The following PPP1R3F variants were observed in gnomAD, a reference collection of about 807,000 sequenced individuals.
The protein encoded by PPP1R3F is protein phosphatase 1 regulatory subunit 3F.
A neutral mutation model predicts 24.2 loss-of-function variants in PPP1R3F; 29 were observed. The observed-to-expected ratio is 1.20, with a 90% CI of 0.89 to 1.63. The LOEUF (loss-of-function observed/expected upper bound fraction) is 1.63, where lower values mean the gene tolerates loss of function less well. PPP1R3F is among the 40% of genes most tolerant of loss of function. The probability of loss-of-function intolerance (pLI) is 0.00; values close to 1 mark genes in which losing one functional copy is unlikely to be tolerated. For missense variants in PPP1R3F, 823 were observed against 729.3 expected, an observed-to-expected ratio of 1.13 and a Z score of -1.48; for synonymous variants, 363 against 340.1, an observed-to-expected ratio of 1.07 and a Z score of -0.74.
rs1439793735 is a variant in PPP1R3F at position 49,270,339 on chromosome X, C to T, written c.470C>T (p.Pro157Leu). ...AVPGGAGVWV[P>L]GGRPPVLRGL... ...CCCGGGGGTGCCGGGGTGTGGGTGC[C>T]TGGGGGCCGCCCGCCGGTGCTGCGC... Residue 157 changes from proline to leucine, a missense_variant, in exon 1 of 4, where the codon CCT becomes CTT. Pro to Leu is a moderately conservative substitution (Grantham distance 98). Coordinates refer to ENST00000055335, the MANE Select transcript of PPP1R3F (RefSeq NM_033215.5). The T allele has an allele frequency of 1.2e-5, 14 of 1,137,843 alleles. No individual in the cohort carries two copies. The highest frequency in any genetic ancestry group is 1.8e-5 in the African/African-American group (1 of 54,568). 93.8% of individuals were successfully genotyped at this position (1,137,843 alleles called of 1,213,427 possible).
At chrX:49,284,509 C>CTTT (rs145170789) in intron 3 of PPP1R3F, among the ~76,000 whole-genome samples, 65 of 50,762 alleles carry the variant, frequency 1.3e-3, no homozygotes, top group Non-Finnish European at 1.7e-3. Context: ...CTTTTTCTTT[C>CTTT]TTTTTTTTTT....
Position 49,296,611 on chromosome X carries a change from G to A in PPP1R3F, c.393-4740G>A, listed in dbSNP as rs187989178. Among the ~76,000 whole-genome samples the A allele has an allele frequency of 3.4e-3, 379 of 111,570 alleles. 1 individual carries two copies. The highest frequency in any genetic ancestry group is 5.9e-3 in the Admixed American group (62 of 10,516). On this transcript the variant is annotated intron_variant, in intron 3 of 3. Coordinates refer to the PPP1R3F transcript ENST00000471261. ...CCTAGTTCTTTTAATTGTGATATTA[G>A]GGTGTCGATTTTAGATCTTTCCCGC...
At chrX:49,288,400 A>G (rs979252190), downstream of PPP1R3F, among the ~76,000 whole-genome samples, 3 of 112,381 alleles carry the variant, frequency 2.7e-5, no homozygotes, top group Non-Finnish European at 5.6e-5. Flanking sequence ...CTCACTGGCC[A>G]CTGTGCAAAG....
intron 3 of PPP1R3F, among the ~76,000 whole-genome samples, chrX:49,299,043 C>T (rs1423073428): frequency 1.4e-4 from 16 of 110,870 alleles, no homozygotes; most frequent in African/African-American, 5.2e-4. Flanking sequence ...AGTTTTATTT[C>T]CTTGCTGGCA....
intron 3 of PPP1R3F, among the ~76,000 whole-genome samples, chrX:49,293,348 G>T (rs1487964779): frequency 8.9e-6 from 1 of 112,409 alleles, no homozygotes; most frequent in Non-Finnish European, 1.9e-5. Flanking sequence ...GGTAGTGTTC[G>T]ATTTGCTTTT....
rs781956226 is a variant in PPP1R3F, at chrX:49,287,065, G to T, written c.2375G>T (p.Cys792Phe). ...SGVSLLVLAL[C>F]LSLAWFS Reference sequence around the variant, plus strand: ...GTGTCCCTCCTGGTGCTTGCGCTGTGCCTCTCTCTGGCTTGGTTCTCATAG... The same window carrying T: ...GTGTCCCTCCTGGTGCTTGCGCTGTTCCTCTCTCTGGCTTGGTTCTCATAG... The change falls in exon 4 of 4, where the codon TGC (cysteine) becomes TTC (phenylalanine). Residue 792 changes from cysteine (C) to phenylalanine (F), a missense_variant. Coordinates refer to ENST00000055335, the MANE Select transcript of PPP1R3F (RefSeq NM_033215.5). The T allele has an allele frequency of 2.5e-6, 3 of 1,209,936 alleles. No individual in the cohort carries two copies. The highest frequency in any genetic ancestry group is 1.7e-5 in the African/African-American group (1 of 57,563).
chrX:49,270,799 A>G lies in PPP1R3F; in HGVS notation c.930A>G (p.Pro310=). ...PQQQQLPQLE[P]QPECQGPVEA... The stretch of plus-strand genomic sequence containing the variant: ...AGCAGCAGCTGCCGCAGCTGGAGCC[A>G]CAGCCCGAGTGCCAGGGTCCCGTGG... Residue 310 remains proline, a synonymous_variant, in exon 1 of 4, where the codon CCA becomes CCG. Coordinates refer to ENST00000055335, the MANE Select transcript of PPP1R3F (RefSeq NM_033215.5). 1 of 1,192,700 alleles carries G rather than the reference A, an allele frequency of 8.4e-7. No homozygotes were observed. The highest frequency in any genetic ancestry group is 2.3e-4 in the Middle Eastern group (1 of 4,339).
At chrX:49,293,930 G>A (rs1449362924) in intron 3 of PPP1R3F, among the ~76,000 whole-genome samples, 29 of 111,533 alleles carry the variant, frequency 2.6e-4, no homozygotes, top group African/African-American at 9.1e-4. Flanking sequence ...GGAGGCAGAG[G>A]TTGCAGTGAG....
rs1212585534 is a variant in PPP1R3F at position 49,279,933 on chromosome X, G to A, written c.1005-1473G>A. ...CTTATGCCACTCAGGGATCTGACTG[G>A]CCTGGTGAAGGAGGAGCAAGACCCA... is the stretch of plus-strand genomic sequence containing the variant. On this transcript the variant is annotated intron_variant, in intron 1 of 3. Coordinates refer to ENST00000055335, the MANE Select transcript of PPP1R3F (RefSeq NM_033215.5). Among the ~76,000 whole-genome samples the A allele has an allele frequency of 5.3e-5, 6 of 112,419 alleles. No individual in the cohort carries two copies. In the Admixed American group the frequency reaches 5.6e-4, roughly 11 times the overall value.
Position 49,270,712 on chromosome X carries a change from C to T in PPP1R3F, c.843C>T (p.Tyr281=), listed in dbSNP as rs148529556. The T allele has an allele frequency of 2.5e-4, 296 of 1,206,896 alleles. No homozygotes were observed. The highest frequency in any genetic ancestry group is 6.3e-4 in the Admixed American group (29 of 45,723). The change falls in exon 1 of 4, where the codon TAC becomes TAT. Residue 281 remains tyrosine, a synonymous_variant. Coordinates refer to ENST00000055335, the MANE Select transcript of PPP1R3F (RefSeq NM_033215.5). ...TFWANNHGRN[Y]TVLLRIAPAP... ...GGGCCAACAACCACGGCCGCAACTA[C>T]ACAGTCCTGCTCCGGATCGCACCCG...
intron 2 of PPP1R3F, 72 bp downstream of exon 2, chrX:49,281,533 T>C: frequency 3.2e-6 from 3 of 930,471 alleles, no homozygotes; most frequent in Admixed American, 2.5e-5. Flanking sequence ...TTTTTCTTTC[T>C]ATAAAAATGA....
chrX:49,270,091 C>T lies in PPP1R3F; in HGVS notation c.222C>T (p.Gly74=), dbSNP rs782713900. 9.0e-6 allele frequency: 9 copies of T among 1,004,177 alleles called. No individual in the cohort carries two copies. In the African/African-American group the frequency reaches 1.2e-4, roughly 13 times the overall value. 82.8% of individuals were successfully genotyped at this position (1,004,177 alleles called of 1,213,427 possible). ...CGGCGGCGGCCGGGCAAGATGGCGG[C>T]GGCGGCGGCGGGGCCGACGAGGACG... ...KMAAAAGQDG[G]GGGGADEDDD... Residue 74 remains glycine (G), a synonymous_variant, in exon 1 of 4, where the codon GGC becomes GGT. Coordinates refer to ENST00000055335, the MANE Select transcript of PPP1R3F (RefSeq NM_033215.5).
At chrX:49,283,901 C>A (rs1444709257) in intron 3 of PPP1R3F, among the ~76,000 whole-genome samples, 1 of 111,345 alleles carries the variant, frequency 9.0e-6, no homozygotes, top group African/African-American at 3.3e-5. Flanking sequence ...ATTCCCACTT[C>A]CTTTATTAGC....
Position 49,270,188 on chromosome X carries a change from G to C in PPP1R3F, c.319G>C (p.Val107Leu). The change falls in exon 1 of 4, where the codon GTC (valine) becomes CTC (leucine). Residue 107 changes from valine (V) to leucine (L), a missense_variant. Val to Leu is a conservative substitution (Grantham distance 32, BLOSUM62 1). Transcript: ENST00000055335. Reference sequence around the variant, plus strand: ...CCCCGAGCCCTCACCGCTGTGCCCCGTCCCCGCTGGCGGGGGGTTTTACCT... The same window carrying C: ...CCCCGAGCCCTCACCGCTGTGCCCCCTCCCCGCTGGCGGGGGGTTTTACCT... The part of the protein sequence containing the change: ...ACPEPSPLCP[V>L]PAGGGFYLVP... The C allele has an allele frequency of 9.1e-7, 1 of 1,095,954 alleles. No homozygotes were observed. The highest frequency in any genetic ancestry group is 3.6e-5 in the East Asian group (1 of 28,158). 90.3% of individuals were successfully genotyped at this position (1,095,954 alleles called of 1,213,427 possible). A position where few individuals can be genotyped will look rare whatever the true frequency, so the allele number is the denominator to read the frequency against.
At chrX:49,291,803 A>G (rs1414352499), downstream of PPP1R3F, among the ~76,000 whole-genome samples, 1 of 110,246 alleles carries the variant, frequency 9.1e-6, no homozygotes, top group Non-Finnish European at 1.9e-5. Flanking sequence ...TCTTAGTCTC[A>G]CAGTGGCCCC....
chrX:49,289,675 G>A (rs1373878439), downstream of PPP1R3F, among the ~76,000 whole-genome samples: 1 of 111,726 alleles, frequency 9.0e-6, no homozygotes, highest in Admixed American at 9.5e-5. Context: ...GGAGGGATGT[G>A]GCTGAGAAGG....
chrX:49,291,314 C>G (rs1602719075), downstream of PPP1R3F, among the ~76,000 whole-genome samples: 1 of 98,637 alleles, frequency 1.0e-5, no homozygotes, highest in African/African-American at 3.6e-5. Context: ...CTCTCTCTCT[C>G]TCTCTCTCTC....
intron 3 of PPP1R3F, among the ~76,000 whole-genome samples, chrX:49,298,189 G>A (rs1258623009): frequency 8.9e-6 from 1 of 112,248 alleles, no homozygotes; most frequent in Non-Finnish European, 1.9e-5. Flanking sequence ...TCCTTCAGGA[G>A]CTCTTGTAAG....
intron 1 of PPP1R3F, among the ~76,000 whole-genome samples, chrX:49,271,167 C>A (rs868965656): frequency 2.7e-5 from 3 of 111,665 alleles, no homozygotes; most frequent in African/African-American, 9.8e-5. Flanking sequence ...AACAAGCAAG[C>A]AAGCAGATAG....
Sources: allele counts gnomAD v4.1 joint callset (sites outside exome capture counted in the v4.1 genomes callset), GRCh38; gene constraint gnomAD v4.1.1; transcripts MANE v1.5; gene names NCBI Gene and HGNC (gene_info 2026-07-23, HGNC 2026-07-21).